Variants in UTRN observed in about 807,000 individuals in gnomAD.
The protein encoded by UTRN is utrophin.
A neutral mutation model predicts 463.9 loss-of-function variants in UTRN; 283 were observed. The observed-to-expected ratio is 0.61, with a 90% CI of 0.55 to 0.67. The LOEUF is 0.67. Among genes scored for constraint, UTRN ranks in the 30% least tolerant of loss-of-function variants. The pLI, the probability that UTRN is intolerant of heterozygous loss-of-function variation, is 0.00. For synonymous variants in UTRN, 1,442 were observed against 1,431.5 expected, an observed-to-expected ratio of 1.01 and a Z score of -0.17; for missense variants, 3,922 against 4,084.3, an observed-to-expected ratio of 0.96 and a Z score of 1.08.
intron 2 of UTRN, among the ~76,000 whole-genome samples, chr6:144,305,135 A>G (rs1245538124): frequency 6.6e-6 from 1 of 152,138 alleles, no homozygotes; most frequent in Non-Finnish European, 1.5e-5. Flanking sequence ...TGGTTTCACC[A>G]TGTTGGCCAG....
intron 51 of UTRN, among the ~76,000 whole-genome samples, chr6:144,635,564 G>A (rs1346008816): frequency 1.0e-5 from 1 of 99,322 alleles, no homozygotes; most frequent in East Asian, 3.3e-4. Context: ...TTTTGAGAGG[G>A]AGTCTTACTT....
At chr6:144,632,038 G>A (rs1776583816) in intron 51 of UTRN, among the ~76,000 whole-genome samples, 1 of 152,174 alleles carries the variant, frequency 6.6e-6, no homozygotes, top group Non-Finnish European at 1.5e-5. Context: ...AAAATGTAAA[G>A]ACATTTATTA....
At chr6:144,406,351 CTTTTCTTTT>C (rs1224510843) in intron 3 of UTRN, among the ~76,000 whole-genome samples, 5 of 106,146 alleles carry the variant, frequency 4.7e-5, no homozygotes, top group Non-Finnish European at 7.5e-5. Context: ...CTTTTTTTTT[CTTTTCTTTT>C]TTTTTTTTTT....
intron 16 of UTRN, among the ~76,000 whole-genome samples, chr6:144,448,368 A>C (rs1349650868): frequency 6.6e-6 from 1 of 152,212 alleles, no homozygotes; most frequent in Non-Finnish European, 1.5e-5. Context: ...AAGTAAATGC[A>C]TGGTTGCCAC....
intron 13 of UTRN, among the ~76,000 whole-genome samples, chr6:144,443,486 T>A (rs968872820): frequency 1.3e-5 from 2 of 152,210 alleles, no homozygotes; most frequent in Non-Finnish European, 2.9e-5. Flanking sequence ...AAAAGCTTAT[T>A]CTCATATTAA....
At position 144,487,596 on chromosome 6, in the gene UTRN, C is replaced by T. The variant is rs765974323; in HGVS notation, c.3871C>T (p.Arg1291Ter). Residue 1291 changes from arginine to a stop codon, truncating the protein, a stop_gained, in exon 29 of 75, where the codon CGA (arginine) becomes TGA (stop). Transcript: ENST00000367545. LOFTEE classifies it high-confidence loss of function. ...RHPADNRTQIRELGQTLIDGG... is the reference protein window; with the variant it reads ...RHPADNRTQI ...CCCGGCAGATAATCGCACCCAGATTCGAGAGCTTGGCCAGACTCTGATTGA... is the reference window on the plus strand; with the variant it reads ...CCCGGCAGATAATCGCACCCAGATTTGAGAGCTTGGCCAGACTCTGATTGA... 1.4e-5 allele frequency: 22 copies of T among 1,613,390 alleles called. No individual in the cohort carries two copies. The highest frequency in any genetic ancestry group is 1.8e-5 in the Non-Finnish European group (21 of 1,179,606).
intron 13 of UTRN, among the ~76,000 whole-genome samples, chr6:144,441,259 C>T (rs868139835): frequency 9.8e-5 from 15 of 152,320 alleles, no homozygotes; most frequent in East Asian, 1.9e-4. Context: ...GTCCCTTCCG[C>T]CTATGAGCCT....
At chr6:144,684,341 C>T (rs552662606) in intron 52 of UTRN, among the ~76,000 whole-genome samples, 4 of 152,286 alleles carry the variant, frequency 2.6e-5, no homozygotes, top group South Asian at 2.1e-4. Context: ...TGAGCCACCA[C>T]GCCCAGCCCC....
intron 51 of UTRN, among the ~76,000 whole-genome samples, chr6:144,591,166 T>C (rs1383406421): frequency 2.0e-5 from 3 of 152,124 alleles, no homozygotes; most frequent in Non-Finnish European, 4.4e-5. Flanking sequence ...ACAAGGATGT[T>C]CACATTACAG....
chr6:144,381,087 A>T (rs1181063546), intron 2 of UTRN, among the ~76,000 whole-genome samples: 1 of 151,184 alleles, frequency 6.6e-6, no homozygotes, highest in Admixed American at 6.6e-5. Flanking sequence ...GTGTCACAGG[A>T]TGGGGGTTTG....
intron 2 of UTRN, among the ~76,000 whole-genome samples, chr6:144,349,296 C>T (rs111902699): frequency 0.067 from 10,140 of 152,194 alleles, 1,075 homozygotes; most frequent in African/African-American, 0.23. Flanking sequence ...GCATGAGCCA[C>T]GGCGCCTGGC....
At chr6:144,492,483 G>C (rs1793163884) in intron 32 of UTRN, among the ~76,000 whole-genome samples, 1 of 152,140 alleles carries the variant, frequency 6.6e-6, no homozygotes, top group Non-Finnish European at 1.5e-5. Flanking sequence ...GATAAACACG[G>C]GAGTGCATGT....
chr6:144,517,659 CTATGTTTAGA>C (rs941749259), intron 39 of UTRN, among the ~76,000 whole-genome samples: 21 of 152,106 alleles, frequency 1.4e-4, no homozygotes, highest in Non-Finnish European at 2.9e-5. Context: ...TGTACCTTTT[CTATGTTTAGA>C]TATGTTTAGA....
chr6:144,764,698 A>G (rs1385349978), intron 58 of UTRN, among the ~76,000 whole-genome samples: 1 of 152,242 alleles, frequency 6.6e-6, no homozygotes, highest in Non-Finnish European at 1.5e-5. Context: ...TTGTAAAATA[A>G]ATAGAAATAT....
At chr6:144,728,296 G>A (rs1788122809) in intron 53 of UTRN, among the ~76,000 whole-genome samples, 1 of 151,862 alleles carries the variant, frequency 6.6e-6, no homozygotes. Context: ...GTAAATGCTA[G>A]GAATATTTTT....
At position 144,537,575 on chromosome 6, in the gene UTRN, C is replaced by A; in HGVS notation, c.6234-7C>A. 2 of 1,544,866 alleles carry A rather than the reference C, an allele frequency of 1.3e-6. No individual in the cohort carries two copies. Among genetic ancestry groups the A allele is most frequent in the Non-Finnish European group, 8.7e-7 (1 of 1,149,078 alleles). ...CCTCAATATTTTTAAATAATATATT[C>A]TTTTAGGCTAAAAGGAGAAAGTAAG... On this transcript the variant is annotated splice_region_variant and splice_polypyrimidine_tract_variant and intron_variant, in intron 43 of 74. Coordinates refer to ENST00000367545, the MANE Select transcript of UTRN (RefSeq NM_007124.3).
At chr6:144,497,529 AAAT>A (rs1793773540) in intron 33 of UTRN, among the ~76,000 whole-genome samples, 1 of 151,652 alleles carries the variant, frequency 6.6e-6, no homozygotes, top group African/African-American at 2.4e-5. Context: ...AAAAAAAAAA[AAAT>A]TAGCTGAGTG....
intron 41 of UTRN, among the ~76,000 whole-genome samples, chr6:144,527,540 A>T (rs1236636611): frequency 2.0e-5 from 3 of 152,188 alleles, no homozygotes; most frequent in Non-Finnish European, 4.4e-5. Flanking sequence ...GGATATCTAG[A>T]TCTCTAGCAA....
intron 2 of UTRN, among the ~76,000 whole-genome samples, chr6:144,331,422 C>G (rs1018170277): frequency 9.2e-5 from 14 of 152,072 alleles, no homozygotes; most frequent in Non-Finnish European, 1.9e-4. Flanking sequence ...TCCATCACTT[C>G]TCCGTGATGG....
Sources: gnomAD v4.1 joint callset for allele counts (sites outside exome capture counted in the v4.1 genomes callset) on GRCh38, gnomAD v4.1.1 for gene constraint, MANE v1.5 for transcripts, NCBI Gene and HGNC (gene_info 2026-07-23, HGNC 2026-07-21) for gene names.